NT5DC3: variants seen among roughly 807,000 people sequenced by gnomAD.
NT5DC3 encodes the protein 5'-nucleotidase domain containing 3.
In NT5DC3, 42 loss-of-function variants were observed where a neutral mutation model predicts 67.8. That is an observed-to-expected ratio of 0.62 (90% CI 0.48 to 0.80). The LOEUF is 0.80. NT5DC3 is among the 30% of genes least tolerant of loss of function. The pLI is 0.00. For synonymous variants in NT5DC3, 237 were observed against 255.6 expected (o/e 0.93, Z 0.69); for missense variants, 570 against 696.4 (o/e 0.82, Z 2.04).
At chr12:103,758,243 G>A in the NT5DC3 span, 16 of 1,614,102 alleles carry the variant, frequency 9.9e-6, no homozygotes, top group South Asian at 3.3e-5. Context: ...CTGTCCATCC[G>A]CGGCACCCTC....
chr12:103,791,549 C>A (rs1886062443), intron 9 of NT5DC3, among the ~76,000 whole-genome samples: 1 of 152,180 alleles, frequency 6.6e-6, no homozygotes. Flanking sequence ...ATTCCTTAAA[C>A]CCTCAATAAA....
chr12:103,806,223 A>G, intron 4 of NT5DC3, 99 bp downstream of exon 4: 2 of 758,766 alleles, frequency 2.6e-6, no homozygotes, highest in Non-Finnish European at 4.7e-6. Context: ...AATCATATTC[A>G]CACTGCAGCC....
intron 1 of NT5DC3, among the ~76,000 whole-genome samples, chr12:103,822,671 A>C (rs1484700315): frequency 3.3e-5 from 5 of 152,168 alleles, no homozygotes; most frequent in Non-Finnish European, 7.3e-5. Context: ...TTTTGTCTGT[A>C]ATAACGGAAT....
At chr12:103,828,330 C>T (rs552323727) in intron 1 of NT5DC3, among the ~76,000 whole-genome samples, 16 of 152,336 alleles carry the variant, frequency 1.1e-4, no homozygotes, top group African/African-American at 3.8e-4. Flanking sequence ...GAGGACTGAA[C>T]TCTATGACCT....
chr12:103,840,426 A>G (rs1466666403), intron 1 of NT5DC3, among the ~76,000 whole-genome samples: 10 of 149,824 alleles, frequency 6.7e-5, no homozygotes, highest in African/African-American at 2.0e-4. Flanking sequence ...ATCTCATTCC[A>G]TCCCATTCCA....
the NT5DC3 span, chr12:103,762,210 A>AG: frequency 1.9e-4 from 307 of 1,594,724 alleles, no homozygotes; most frequent in Non-Finnish European, 2.3e-4. Context: ...CGGGCCACCA[A>AG]GGGTTCCCCT....
At chr12:103,767,599 T>C (rs1885040400), downstream of NT5DC3, among the ~76,000 whole-genome samples, 1 of 152,206 alleles carries the variant, frequency 6.6e-6, no homozygotes, top group Non-Finnish European at 1.5e-5. Flanking sequence ...TAATACATCA[T>C]CTTTCCAAAT....
chr12:103,822,657 C>T (rs1037643703), intron 1 of NT5DC3, among the ~76,000 whole-genome samples: 1 of 152,128 alleles, frequency 6.6e-6, no homozygotes, highest in Non-Finnish European at 1.5e-5. Flanking sequence ...GTGTTCTATT[C>T]TTGTTTTGTC....
intron 1 of NT5DC3, among the ~76,000 whole-genome samples, chr12:103,823,050 T>C (rs903701392): frequency 1.3e-5 from 2 of 152,118 alleles, no homozygotes; most frequent in African/African-American, 4.8e-5. Flanking sequence ...ATTGATAAAG[T>C]AAATCACAAT....
chr12:103,796,866 C>T, intron 6 of NT5DC3, 28 bp downstream of exon 6: 2 of 1,613,404 alleles, frequency 1.2e-6, no homozygotes, highest in Non-Finnish European at 1.7e-6. Context: ...ACAGACTCAG[C>T]ACTGTAATCT....
chr12:103,791,989 G>A (rs1451416524), intron 9 of NT5DC3, among the ~76,000 whole-genome samples: 1 of 152,188 alleles, frequency 6.6e-6, no homozygotes, highest in Non-Finnish European at 1.5e-5. Context: ...TGTGCCATAG[G>A]ATGCACAGCA....
Position 103,832,913 on chromosome 12 carries a change from T to A in NT5DC3, c.208+8036A>T, listed in dbSNP as rs574637932. Among the ~76,000 whole-genome samples, 8 of 152,330 alleles carry A rather than the reference T, an allele frequency of 5.3e-5. No individual in the cohort carries two copies. The South Asian group carries it at 1.7e-3, about 32-fold the overall frequency. ...ATCATTTGTGTGTGCTCAAGTATTA[T>A]GTGTAATACTGCAAATGTGTCTTTT... On this transcript the variant is annotated intron_variant, in intron 1 of 13. Transcript: ENST00000392876.
intron 5 of NT5DC3, among the ~76,000 whole-genome samples, chr12:103,797,426 C>T (rs1271053045): frequency 2.0e-5 from 3 of 150,460 alleles, no homozygotes; most frequent in African/African-American, 4.9e-5. Flanking sequence ...GCGGAGATGG[C>T]GCCACTGCAC....
the NT5DC3 span, chr12:103,761,201 C>A: frequency 1.8e-6 from 2 of 1,099,934 alleles, no homozygotes; most frequent in African/African-American, 1.5e-5. Context: ...AAACCTGAAA[C>A]ATGGGCTCAG....
At chr12:103,766,241 C>A, downstream of NT5DC3, 2 of 1,613,120 alleles carry the variant, frequency 1.2e-6, no homozygotes, top group South Asian at 1.1e-5. Context: ...AACTAGGACT[C>A]AACACACAGA....
the NT5DC3 span, among the ~76,000 whole-genome samples, chr12:103,754,430 A>T: frequency 1.3e-5 from 2 of 152,010 alleles, no homozygotes; most frequent in African/African-American, 4.8e-5. Flanking sequence ...CAATTTTCTC[A>T]ATTGTATAAG....
intron 2 of NT5DC3, among the ~76,000 whole-genome samples, chr12:103,814,360 G>A (rs746906759): frequency 6.6e-6 from 1 of 152,212 alleles, no homozygotes; most frequent in Non-Finnish European, 1.5e-5. Context: ...TACTTCCCGG[G>A]AGGGGTCTCA....
the NT5DC3 span, chr12:103,746,668 A>G: frequency 1.2e-6 from 2 of 1,614,070 alleles, no homozygotes. Context: ...GTGTGAGTGT[A>G]ACCTGGATTA....
intron 1 of NT5DC3, among the ~76,000 whole-genome samples, chr12:103,838,052 G>A (rs1888225202): frequency 6.6e-6 from 1 of 152,164 alleles, no homozygotes; most frequent in African/African-American, 2.4e-5. Context: ...AATCATGGCG[G>A]GAGGTGAAAA....
Sources: gnomAD v4.1 joint callset for allele counts (sites outside exome capture counted in the v4.1 genomes callset) on GRCh38, gnomAD v4.1.1 for gene constraint, MANE v1.5 for transcripts, NCBI Gene and HGNC (gene_info 2026-07-23, HGNC 2026-07-21) for gene names.